The following DPYS variants were observed in gnomAD, a reference collection of about 807,000 sequenced individuals.
DPYS encodes dihydropyrimidine amidohydrolase.
Under a neutral mutation model 50.3 loss-of-function variants are expected in DPYS, and 39 were observed. That is an observed-to-expected ratio of 0.78 (90% CI 0.60 to 1.01). The LOEUF (loss-of-function observed/expected upper bound fraction) is 1.01, where lower values mean the gene tolerates loss of function less well. Among genes scored for constraint, DPYS ranks in the 50% least tolerant of loss-of-function variants. DPYS has a pLI of 0.00. For missense variants in DPYS, 659 were observed against 680.9 expected (o/e 0.97, Z 0.36); for synonymous variants, 245 against 250.7 (o/e 0.98, Z 0.22).
intron 3 of DPYS, among the ~76,000 whole-genome samples, chr8:104,446,877 C>T (rs1813547669): frequency 6.6e-6 from 1 of 152,164 alleles, no homozygotes; most frequent in African/African-American, 2.4e-5. Flanking sequence ...TATCCAGTTT[C>T]TGAAAAGAGC....
intron 7 of DPYS, among the ~76,000 whole-genome samples, chr8:104,393,557 A>G (rs1169758411): frequency 6.6e-6 from 1 of 152,226 alleles, no homozygotes; most frequent in African/African-American, 2.4e-5. Context: ...GCAAAACTAG[A>G]AATTTGAAGA....
chr8:104,419,612 G>C (rs995401793), intron 7 of DPYS: 10 of 152,168 alleles, frequency 6.6e-5, no homozygotes, highest in African/African-American at 1.7e-4. Flanking sequence ...TGATGAAAAT[G>C]GTTCTTTACT....
At chr8:104,455,669 C>T (rs1813898832) in intron 1 of DPYS, among the ~76,000 whole-genome samples, 2 of 152,008 alleles carry the variant, frequency 1.3e-5, no homozygotes, top group Non-Finnish European at 2.9e-5. Flanking sequence ...ATAGAGGTCC[C>T]GAGACTGGCC....
intron 2 of DPYS, among the ~76,000 whole-genome samples, chr8:104,450,731 G>C (rs1338869997): frequency 6.6e-6 from 1 of 152,198 alleles, no homozygotes; most frequent in Non-Finnish European, 1.5e-5. Context: ...GCTTGGAGAA[G>C]ACTCTGGAAA....
At chr8:104,425,455 G>A (rs1422232516) in intron 6 of DPYS, among the ~76,000 whole-genome samples, 2 of 151,222 alleles carry the variant, frequency 1.3e-5, no homozygotes, top group Admixed American at 6.6e-5. Flanking sequence ...CTACATGGTG[G>A]GGTATGCCCC....
intron 8 of DPYS, among the ~76,000 whole-genome samples, chr8:104,387,706 A>G (rs1462842974): frequency 3.3e-5 from 5 of 152,234 alleles, no homozygotes; most frequent in African/African-American, 1.2e-4. Flanking sequence ...GGTTGTTGAA[A>G]GAATTAAAGT....
chr8:104,442,830 G>A (rs1031960305), intron 4 of DPYS, among the ~76,000 whole-genome samples: 8 of 152,216 alleles, frequency 5.3e-5, no homozygotes, highest in Admixed American at 5.2e-4. Context: ...GGGAGGCCAA[G>A]GTGAGAGGAT....
At chr8:104,381,431 G>C in intron 8 of DPYS, 117 bp from the exon 9 acceptor site, 1 of 931,628 alleles carries the variant, frequency 1.1e-6, no homozygotes, top group East Asian at 2.6e-5. Context: ...AATTTATCAC[G>C]TGCCTCCCCA....
intron 7 of DPYS, among the ~76,000 whole-genome samples, chr8:104,400,358 CTGCAGAACAGA>C (rs1811754124): frequency 6.6e-6 from 1 of 152,206 alleles, no homozygotes. Flanking sequence ...CTAAATCTTC[CTGCAGAACAGA>C]TGCAGATGTG....
chr8:104,457,784 C>T (rs1416831781), intron 1 of DPYS, among the ~76,000 whole-genome samples: 1 of 152,210 alleles, frequency 6.6e-6, no homozygotes. Flanking sequence ...CTTGCACATT[C>T]CTGTCCATGC....
intron 1 of DPYS, among the ~76,000 whole-genome samples, chr8:104,455,069 A>G (rs1813878109): frequency 6.6e-6 from 1 of 152,224 alleles, no homozygotes; most frequent in Non-Finnish European, 1.5e-5. Context: ...GCAGCAAACC[A>G]CCATGGCACA....
chr8:104,435,018 A>G (rs995182030), intron 4 of DPYS, among the ~76,000 whole-genome samples: 5 of 152,196 alleles, frequency 3.3e-5, no homozygotes, highest in Admixed American at 2.0e-4. Context: ...TCACCATTCT[A>G]AACAAATCAC....
chr8:104,385,270 G>T (rs137901652), intron 8 of DPYS, among the ~76,000 whole-genome samples: 15 of 152,248 alleles, frequency 9.9e-5, no homozygotes, highest in African/African-American at 2.2e-4. Context: ...CATCTAGAAT[G>T]GTGCCTGGTG....
intron 7 of DPYS, among the ~76,000 whole-genome samples, chr8:104,396,867 TGG>T (rs1811608592): frequency 6.6e-6 from 1 of 151,572 alleles, no homozygotes; most frequent in African/African-American, 2.4e-5. Context: ...TTCTCAGACT[TGG>T]GGTTAGCAAG....
chr8:104,445,186 G>C (rs1229999849), intron 3 of DPYS, among the ~76,000 whole-genome samples: 1 of 152,162 alleles, frequency 6.6e-6, no homozygotes, highest in Admixed American at 6.5e-5. Context: ...TAATAAAACT[G>C]CTCTGGAGAA....
chr8:104,447,736 T>C (rs920162428), intron 2 of DPYS, among the ~76,000 whole-genome samples: 21 of 152,200 alleles, frequency 1.4e-4, no homozygotes, highest in African/African-American at 4.8e-4. Flanking sequence ...AAAAAGTGAA[T>C]AGCTTTTCCC....
intron 4 of DPYS, among the ~76,000 whole-genome samples, chr8:104,431,548 AG>A (rs1372191700): frequency 6.6e-6 from 1 of 152,082 alleles, no homozygotes; most frequent in African/African-American, 2.4e-5. Flanking sequence ...AAAGCATGCA[AG>A]AACTAAAAAG....
At chr8:104,452,958 C>T (rs1265318548) in intron 1 of DPYS, among the ~76,000 whole-genome samples, 1 of 152,142 alleles carries the variant, frequency 6.6e-6, no homozygotes, top group Non-Finnish European at 1.5e-5. Flanking sequence ...TTCCCTATAT[C>T]GTGTTACCTC....
intron 1 of DPYS, among the ~76,000 whole-genome samples, chr8:104,462,299 C>T (rs761357224): frequency 2.0e-5 from 3 of 152,146 alleles, no homozygotes; most frequent in Non-Finnish European, 4.4e-5. Context: ...TGGCAAGCAA[C>T]AGAAAAGGGG....
Sources: gnomAD v4.1 joint callset for allele counts (sites outside exome capture counted in the v4.1 genomes callset) on GRCh38, gnomAD v4.1.1 for gene constraint, MANE v1.5 for transcripts, NCBI Gene and HGNC (gene_info 2026-07-23, HGNC 2026-07-21) for gene names.